Variants in DPYD observed in about 807,000 individuals in gnomAD.
DPYD encodes the protein dihydropyrimidine dehydrogenase.
DPYD carries 109 observed loss-of-function variants against 116.2 expected under a neutral mutation model. That is an observed-to-expected ratio of 0.94 (90% confidence interval 0.80 to 1.10). The LOEUF is 1.10. DPYD is among the 50% of genes least tolerant of loss of function. DPYD has a pLI of 0.00. For synonymous variants in DPYD, 440 were observed against 432.0 expected (o/e 1.02, Z -0.23); for missense variants, 1,302 against 1,254.5 (o/e 1.04, Z -0.57).
chr1:97,249,385 G>A (rs1261285396), intron 18 of DPYD, among the ~76,000 whole-genome samples: 1 of 151,874 alleles, frequency 6.6e-6, no homozygotes, highest in African/African-American at 2.4e-5. Context: ...AAGAGGAAGG[G>A]GGGAGAAAAG....
chr1:97,835,621 T>C (rs1669732933), intron 2 of DPYD, among the ~76,000 whole-genome samples: 1 of 152,118 alleles, frequency 6.6e-6, no homozygotes, highest in Non-Finnish European at 1.5e-5. Context: ...ATTTGCTTTT[T>C]AATCATAATT....
chr1:97,549,889 G>T, intron 11 of DPYD, 145 bp from the exon 12 acceptor site: 1 of 794,394 alleles, frequency 1.3e-6, no homozygotes, highest in Non-Finnish European at 2.0e-6. Flanking sequence ...AAAATGAAAA[G>T]CTAACGAAAT....
chr1:97,804,681 C>T (rs1667998958), intron 3 of DPYD, among the ~76,000 whole-genome samples: 1 of 151,768 alleles, frequency 6.6e-6, no homozygotes, highest in Non-Finnish European at 1.5e-5. Flanking sequence ...TAGAAGATAA[C>T]AGGTTGCATA....
chr1:97,906,656 C>A lies in DPYD; in HGVS notation c.39+14228G>T, dbSNP rs148093705. Among the ~76,000 whole-genome samples the A allele has an allele frequency of 3.1e-3, 465 of 152,224 alleles. 5 individuals are homozygous for A. The highest frequency in any genetic ancestry group is 0.011 in the African/African-American group (455 of 41,562). ...CTCCCCCAGTGGATGTCTGAAACTG[C>A]AGATAGTATTGAACCCTACATATAT... On this transcript the variant is annotated intron_variant, in intron 1 of 22. Transcript: ENST00000370192.
chr1:97,401,609 C>G (rs375809307), intron 14 of DPYD, among the ~76,000 whole-genome samples: 1 of 152,178 alleles, frequency 6.6e-6, no homozygotes, highest in African/African-American at 2.4e-5. Flanking sequence ...CCACTGCGCC[C>G]AGCCAGAGTT....
intron 8 of DPYD, among the ~76,000 whole-genome samples, chr1:97,630,457 C>A (rs1657190135): frequency 1.3e-5 from 2 of 152,060 alleles, no homozygotes; most frequent in African/African-American, 4.8e-5. Flanking sequence ...TCTTGGGGTG[C>A]CTGCTCCTTC....
In DPYD at chr1:97,917,203, T is replaced by C. The variant is rs771177104; in HGVS notation, c.39+3681A>G. Among the ~76,000 whole-genome samples, 248 of 152,204 alleles carry C rather than the reference T, an allele frequency of 1.6e-3. 3 individuals are homozygous for C. Among genetic ancestry groups the C allele is most frequent in the Admixed American group, 3.1e-3 (47 of 15,278 alleles). ...AAAGAAATGACTGATGCTTACACAT[T>C]CAGTAAAAATATATCCATTTAAATC... On this transcript the variant is annotated intron_variant, in intron 1 of 22. Transcript: ENST00000370192.
chr1:97,525,350 T>A (rs896721623), intron 12 of DPYD, among the ~76,000 whole-genome samples: 3 of 152,006 alleles, frequency 2.0e-5, no homozygotes, highest in African/African-American at 7.3e-5. Flanking sequence ...TATTGCAGTA[T>A]AGCTGATGAA....
At chr1:97,335,121 G>A (rs1232424056) in intron 16 of DPYD, among the ~76,000 whole-genome samples, 1 of 152,112 alleles carries the variant, frequency 6.6e-6, no homozygotes, top group Non-Finnish European at 1.5e-5. Context: ...AAACTTTGCT[G>A]TCAGCTTTTG....
At chr1:97,325,238 T>C (rs182627862) in intron 16 of DPYD, among the ~76,000 whole-genome samples, 1 of 152,162 alleles carries the variant, frequency 6.6e-6, no homozygotes, top group East Asian at 1.9e-4. Flanking sequence ...TTGCTGGTTA[T>C]GTAATTAACA....
At chr1:97,205,504 C>T (rs1466895108) in intron 19 of DPYD, among the ~76,000 whole-genome samples, 1 of 151,982 alleles carries the variant, frequency 6.6e-6, no homozygotes, top group Non-Finnish European at 1.5e-5. Context: ...AATCCATTCA[C>T]CTATTGAAAA....
At chr1:97,342,517 T>C (rs137981954) in intron 16 of DPYD, among the ~76,000 whole-genome samples, 126 of 152,294 alleles carry the variant, frequency 8.3e-4, no homozygotes, top group East Asian at 1.9e-3. Context: ...ATGTTCTTAG[T>C]GGAATTAATC....
At chr1:97,249,405 G>T (rs1557971641) in intron 18 of DPYD, among the ~76,000 whole-genome samples, 1 of 151,790 alleles carries the variant, frequency 6.6e-6, no homozygotes, top group Non-Finnish European at 1.5e-5. Flanking sequence ...GAAAAGAAAA[G>T]AAAGGAAAAA....
chr1:97,785,238 T>G (rs1023986573), intron 3 of DPYD, among the ~76,000 whole-genome samples: 18 of 152,140 alleles, frequency 1.2e-4, no homozygotes, highest in African/African-American at 4.3e-4. Flanking sequence ...TTATGCATAT[T>G]TCATTTGTTA....
chr1:97,685,230 T>A (rs775744104), intron 7 of DPYD, among the ~76,000 whole-genome samples: 4 of 151,760 alleles, frequency 2.6e-5, no homozygotes, highest in Admixed American at 2.0e-4. Context: ...TAAAGAGAAA[T>A]AAAGAAAAAA....
rs545673364 is a variant in DPYD at position 97,174,609 on chromosome 1, T to A, written c.2622+18460A>T. 3.3e-5 allele frequency among the ~76,000 whole-genome samples: 5 copies of A among 152,300 alleles called. No individual in the cohort carries two copies. The South Asian group carries it at 6.2e-4, about 19-fold the overall frequency. ...TTTTCCAGTGGTTAACTTCATAAGGTTTTTAGTTCCCAAAGGCTACCTGAT... is the reference window on the plus strand; with the variant it reads ...TTTTCCAGTGGTTAACTTCATAAGGATTTTAGTTCCCAAAGGCTACCTGAT... On this transcript the variant is annotated intron_variant, in intron 20 of 22. Coordinates refer to ENST00000370192, the MANE Select transcript of DPYD (RefSeq NM_000110.4).
In DPYD at chr1:97,623,969, A is replaced by G. The variant is rs1225826029; in HGVS notation, c.851-28803T>C. Among the ~76,000 whole-genome samples, 3 of 151,982 alleles carry G rather than the reference A, an allele frequency of 2.0e-5. No individual in the cohort carries two copies. In the East Asian group the frequency reaches 5.8e-4, roughly 29 times the overall value. ...AATTTGACCTTGCACCATATAAAAA[A>G]CCAACTCAAAATGTACTAAATACTG... On this transcript the variant is annotated intron_variant, in intron 8 of 22. Coordinates refer to ENST00000370192, the MANE Select transcript of DPYD (RefSeq NM_000110.4).
chr1:97,129,004 C>A (rs950210286), intron 20 of DPYD, among the ~76,000 whole-genome samples: 2 of 151,936 alleles, frequency 1.3e-5, no homozygotes, highest in African/African-American at 4.8e-5. Context: ...TTGTTCCTTA[C>A]AGAGCTTATC....
intron 8 of DPYD, among the ~76,000 whole-genome samples, chr1:97,622,879 A>T (rs1394891947): frequency 6.6e-6 from 1 of 152,030 alleles, no homozygotes; most frequent in Non-Finnish European, 1.5e-5. Context: ...GGCAAACAAG[A>T]TCTGAAGGAA....
Sources: allele counts gnomAD v4.1 joint callset (sites outside exome capture counted in the v4.1 genomes callset), GRCh38; gene constraint gnomAD v4.1.1; transcripts MANE v1.5; gene names NCBI Gene and HGNC (gene_info 2026-07-23, HGNC 2026-07-21).